CRIM1: variants seen among roughly 807,000 people sequenced by gnomAD.
The protein encoded by CRIM1 is cysteine rich transmembrane BMP regulator 1, also known as cysteine-rich motor neuron 1 protein.
In CRIM1, 32 loss-of-function variants were observed where a neutral mutation model predicts 116.4. That is an observed-to-expected ratio of 0.27 (90% confidence interval 0.21 to 0.37). The LOEUF (loss-of-function observed/expected upper bound fraction) is 0.37. CRIM1 is among the 10% of genes least tolerant of loss of function. The pLI is 1.00. For missense variants in CRIM1, 1,331 were observed against 1,354.8 expected (o/e 0.98, Z 0.28); for synonymous variants, 590 against 509.2 (o/e 1.16, Z -2.13).
chr2:36,442,483 T>C, intron 3 of CRIM1, 132 bp from the exon 4 acceptor site: 1 of 1,002,588 alleles, frequency 1.0e-6, no homozygotes, highest in Non-Finnish European at 1.5e-6. Context: ...TGGAGTAACA[T>C]GTCGACACTA....
chr2:36,500,436 A>G (rs932857523), intron 8 of CRIM1, among the ~76,000 whole-genome samples: 13 of 152,198 alleles, frequency 8.5e-5, no homozygotes, highest in African/African-American at 3.1e-4. Context: ...TATTGAGGTT[A>G]TAAGTAGCTA....
chr2:36,436,647 A>C (rs1258773465), intron 2 of CRIM1, among the ~76,000 whole-genome samples: 1 of 152,206 alleles, frequency 6.6e-6, no homozygotes, highest in Non-Finnish European at 1.5e-5. Flanking sequence ...TGTAATAAAC[A>C]GAGGATATAT....
At chr2:36,387,312 T>C (rs1671241072) in intron 1 of CRIM1, among the ~76,000 whole-genome samples, 1 of 152,248 alleles carries the variant, frequency 6.6e-6, no homozygotes, top group South Asian at 2.1e-4. Context: ...TTCTCCAAAA[T>C]ACTTTTTTCC....
At chr2:36,537,267 A>G in intron 13 of CRIM1, 85 bp from the exon 14 acceptor site, 1 of 1,268,118 alleles carries the variant, frequency 7.9e-7, no homozygotes, top group Non-Finnish European at 1.1e-6. Context: ...TGATTATACA[A>G]AGCTATCCCT....
At chr2:36,436,037 A>G (rs998123782) in intron 2 of CRIM1, among the ~76,000 whole-genome samples, 5 of 151,734 alleles carry the variant, frequency 3.3e-5, no homozygotes, top group African/African-American at 1.2e-4. Context: ...GTTAGGAGAG[A>G]CTTCAAATAG....
intron 13 of CRIM1, among the ~76,000 whole-genome samples, chr2:36,524,527 T>C (rs1408330007): frequency 2.0e-5 from 3 of 152,180 alleles, no homozygotes; most frequent in Non-Finnish European, 2.9e-5. Context: ...GGGATACTTA[T>C]GTCATACTTG....
At chr2:36,521,796 A>G (rs1665414004) in intron 12 of CRIM1, among the ~76,000 whole-genome samples, 1 of 152,240 alleles carries the variant, frequency 6.6e-6, no homozygotes, top group South Asian at 2.1e-4. Flanking sequence ...ACTTACATGC[A>G]TTGTAATCCA....
At position 36,383,168 on chromosome 2, in the gene CRIM1, T is replaced by A. The variant is rs557704658; in HGVS notation, c.332-13446T>A. Reference sequence around the variant, plus strand: ...TGGGAATACATATTTCTGTAGCATGTGGAAAAAGGACTGAGTGATGCATAC... The same window carrying A: ...TGGGAATACATATTTCTGTAGCATGAGGAAAAAGGACTGAGTGATGCATAC... On this transcript the variant is annotated intron_variant, in intron 1 of 16. Transcript: ENST00000280527. 3.3e-5 allele frequency among the ~76,000 whole-genome samples: 5 copies of A among 152,318 alleles called. No individual in the cohort carries two copies. The East Asian group carries it at 9.6e-4, about 29-fold the overall frequency.
rs544062738 is a variant in CRIM1, at chr2:36,397,758, C to G, written c.505+971C>G. On this transcript the variant is annotated intron_variant, in intron 2 of 16. Coordinates refer to ENST00000280527, the MANE Select transcript of CRIM1 (RefSeq NM_016441.3). Reference sequence around the variant, plus strand: ...TAAGGAAGAAGAAATTTGCAGTAGCCTACAAAATAACATTTCTCTTTGTAT... The same window carrying G: ...TAAGGAAGAAGAAATTTGCAGTAGCGTACAAAATAACATTTCTCTTTGTAT... Among the ~76,000 whole-genome samples the G allele has an allele frequency of 2.6e-5, 4 of 152,124 alleles. No individual in the cohort carries two copies. The South Asian group carries it at 8.3e-4, about 32-fold the overall frequency.
chr2:36,392,444 T>G (rs552182571), intron 1 of CRIM1, among the ~76,000 whole-genome samples: 8 of 148,362 alleles, frequency 5.4e-5, no homozygotes. Context: ...TACCTCTGTT[T>G]TTAACTTTTT....
At chr2:36,472,088 A>C (rs1047129789) in intron 5 of CRIM1, among the ~76,000 whole-genome samples, 11 of 152,230 alleles carry the variant, frequency 7.2e-5, no homozygotes, top group Non-Finnish European at 1.5e-4. Flanking sequence ...TAGAAACTTA[A>C]AGTTTAATTT....
intron 4 of CRIM1, among the ~76,000 whole-genome samples, chr2:36,461,033 CAG>C (rs891629274): frequency 6.6e-6 from 1 of 152,086 alleles, no homozygotes; most frequent in African/African-American, 2.4e-5. Flanking sequence ...TACTGGGAAA[CAG>C]AATTGAGAAA....
At chr2:36,492,887 G>C (rs546431366) in intron 7 of CRIM1, among the ~76,000 whole-genome samples, 84 of 152,200 alleles carry the variant, frequency 5.5e-4, no homozygotes, top group Admixed American at 9.2e-4. Flanking sequence ...ACTACCTTAA[G>C]AAAGAGCGCC....
chr2:36,441,564 C>T (rs1246037178), intron 3 of CRIM1, 64 bp downstream of exon 3: 8 of 1,576,498 alleles, frequency 5.1e-6, no homozygotes, highest in African/African-American at 4.0e-5. Context: ...GATCCCTCCT[C>T]AGCCACCCCT....
chr2:36,432,363 GTGT>G (rs1674960253), intron 2 of CRIM1, among the ~76,000 whole-genome samples: 1 of 152,028 alleles, frequency 6.6e-6, no homozygotes, highest in African/African-American at 2.4e-5. Context: ...ATTTGTTATG[GTGT>G]GTGAATATAT....
Position 36,442,790 on chromosome 2 carries a change from G to A in CRIM1, c.869+55G>A. 3 of 1,603,334 alleles carry A rather than the reference G, an allele frequency of 1.9e-6. No homozygotes were observed. In the East Asian group the frequency reaches 6.7e-5, roughly 36 times the overall value. On this transcript the variant is annotated intron_variant, in intron 4 of 16. Transcript: ENST00000280527. The stretch of plus-strand genomic sequence containing the variant: ...CTCCTCATTTGTTAGCATCATCTAA[G>A]GTACATTTTGAGCATGCAGTTTGTT...
intron 1 of CRIM1, among the ~76,000 whole-genome samples, chr2:36,368,124 A>G (rs1669712989): frequency 6.6e-6 from 1 of 152,216 alleles, no homozygotes. Flanking sequence ...TTCACTTGCC[A>G]GGGAGTTTCC....
In CRIM1 at chr2:36,544,521, A is replaced by G. The variant is rs111751470; in HGVS notation, c.2746+23A>G. On this transcript the variant is annotated intron_variant, in intron 15 of 16. Coordinates refer to ENST00000280527, the MANE Select transcript of CRIM1 (RefSeq NM_016441.3). The stretch of plus-strand genomic sequence containing the variant: ...GAGGTAAGCATTGAAGGCAGCTGAG[A>G]TCTGCTAGTTTTCTATGTGGTCTAC... 4.5e-6 allele frequency: 6 copies of G among 1,322,174 alleles called. No homozygotes were observed. In the African/African-American group the frequency reaches 9.0e-5, roughly 20 times the overall value. 81.9% of individuals were successfully genotyped at this position (1,322,174 alleles called of 1,614,324 possible).
chr2:36,480,119 A>G (rs773348912), intron 7 of CRIM1, among the ~76,000 whole-genome samples: 2 of 152,122 alleles, frequency 1.3e-5, no homozygotes, highest in Non-Finnish European at 2.9e-5. Context: ...ATGAAAGCCA[A>G]TTTCCACTGC....
Sources: gnomAD v4.1 joint callset for allele counts (sites outside exome capture counted in the v4.1 genomes callset) on GRCh38, gnomAD v4.1.1 for gene constraint, MANE v1.5 for transcripts, NCBI Gene and HGNC (gene_info 2026-07-23, HGNC 2026-07-21) for gene names.